WFDC5: variants seen among roughly 807,000 people sequenced by gnomAD.
WFDC5 encodes WAP four-disulfide core domain 5, also known as WAP four-disulfide core domain protein 5.
Under a neutral mutation model 15.7 loss-of-function variants are expected in WFDC5, and 15 were observed. That is an observed-to-expected ratio of 0.96 (90% confidence interval 0.64 to 1.47). The LOEUF (loss-of-function observed/expected upper bound fraction) is 1.47, where lower values mean the gene tolerates loss of function less well. Among genes scored for constraint, WFDC5 ranks in the 40% most tolerant of loss-of-function variants. The pLI is 0.00. For synonymous variants in WFDC5, 109 were observed against 107.7 expected, an observed-to-expected ratio of 1.01 and a Z score of -0.07; for missense variants, 280 against 258.0, an observed-to-expected ratio of 1.09 and a Z score of -0.59.
intron 3 of WFDC5, 42 bp from the exon 4 acceptor site, chr20:45,110,055 G>A: frequency 1.3e-6 from 2 of 1,597,084 alleles, no homozygotes; most frequent in Middle Eastern, 1.8e-4. Context: ...TCCCATAATA[G>A]GGCTCTGGTT....
upstream of WFDC5, chr20:45,115,319 C>T (rs1203201785): frequency 1.9e-6 from 1 of 524,682 alleles, no homozygotes; most frequent in Non-Finnish European, 3.4e-6. Context: ...TCCAGTCTTG[C>T]CTGTATCGGT....
chr20:45,111,722 C>A (rs1290591871), intron 1 of WFDC5, among the ~76,000 whole-genome samples: 1 of 152,158 alleles, frequency 6.6e-6, no homozygotes, highest in African/African-American at 2.4e-5. Context: ...ATGCACAAAG[C>A]TGGAAATCAG....
chr20:45,110,499 T>C, exon 3 of WFDC5: 1 of 1,614,208 alleles, frequency 6.2e-7, no homozygotes, highest in South Asian at 1.1e-5. Flanking sequence ...TTCATGGGGC[T>C]GAGGCAGCGC....
At chr20:45,110,894 A>G in intron 1 of WFDC5, 119 bp from the exon 2 acceptor site, 9 of 1,380,608 alleles carry the variant, frequency 6.5e-6, no homozygotes, top group Non-Finnish European at 8.8e-6. Context: ...TCTTTTGGCT[A>G]GTTGTTATTT....
chr20:45,112,446 G>T (rs766158283), intron 1 of WFDC5, among the ~76,000 whole-genome samples: 2 of 152,192 alleles, frequency 1.3e-5, no homozygotes, highest in Non-Finnish European at 2.9e-5. Context: ...GGGGATAAAA[G>T]CCTGGCGTGT....
exon 3 of WFDC5, chr20:45,110,432 G>A: frequency 1.2e-6 from 2 of 1,611,728 alleles, no homozygotes; most frequent in Non-Finnish European, 1.7e-6. Flanking sequence ...CCGCCCGCAG[G>A]CGCTGTGGCA....
At chr20:45,115,506 G>T (rs543330144), upstream of WFDC5, among the ~76,000 whole-genome samples, 3 of 152,180 alleles carry the variant, frequency 2.0e-5, no homozygotes, top group African/African-American at 7.2e-5. Flanking sequence ...AGGAGTGGGG[G>T]TTTGCAGAGT....
intron 1 of WFDC5, 54 bp from the exon 2 acceptor site, chr20:45,110,829 A>T: frequency 6.2e-7 from 1 of 1,606,576 alleles, no homozygotes; most frequent in Non-Finnish European, 8.5e-7. Flanking sequence ...GTTATGTAAT[A>T]AGCGCTGACC....
intron 1 of WFDC5, among the ~76,000 whole-genome samples, chr20:45,112,488 ACACT>A (rs1406302686): frequency 6.6e-6 from 1 of 152,212 alleles, no homozygotes; most frequent in Non-Finnish European, 1.5e-5. Context: ...CTGGGTGGTC[ACACT>A]CACTCTGTTT....
chr20:45,114,403 G>C (rs1044038097), intron 1 of WFDC5, among the ~76,000 whole-genome samples: 3 of 152,112 alleles, frequency 2.0e-5, no homozygotes, highest in African/African-American at 7.2e-5. Flanking sequence ...GGGGCGATGA[G>C]AGTTAGAGAC....
chr20:45,116,128 T>C (rs1331646560), upstream of WFDC5, among the ~76,000 whole-genome samples: 1 of 152,212 alleles, frequency 6.6e-6, no homozygotes, highest in Non-Finnish European at 1.5e-5. Context: ...ATACCTCATC[T>C]GATCCTGAGA....
upstream of WFDC5, among the ~76,000 whole-genome samples, chr20:45,116,022 C>T (rs1330653547): frequency 3.9e-5 from 6 of 152,164 alleles, no homozygotes; most frequent in Non-Finnish European, 8.8e-5. Flanking sequence ...AGGGGACTGG[C>T]CCAAGGACAC....
chr20:45,112,112 T>C (rs1453685886), intron 1 of WFDC5, among the ~76,000 whole-genome samples: 1 of 151,670 alleles, frequency 6.6e-6, no homozygotes, highest in East Asian at 1.9e-4. Context: ...TGCTGCCCCC[T>C]GCTGGAGAAA....
intron 1 of WFDC5, 23 bp downstream of exon 1, chr20:45,114,976 G>A (rs1981720191): frequency 3.1e-6 from 5 of 1,611,400 alleles, no homozygotes; most frequent in African/African-American, 2.7e-5. Flanking sequence ...GGTCCCCCCA[G>A]CAGAGGGATT....
chr20:45,110,700 T>A (rs1258578753), exon 2 of WFDC5: 1 of 1,614,204 alleles, frequency 6.2e-7, no homozygotes, highest in Admixed American at 1.7e-5. Flanking sequence ...CAAGGGACAC[T>A]GGCTGTCTTC....
chr20:45,112,419 A>G (rs1981646083), intron 1 of WFDC5, among the ~76,000 whole-genome samples: 1 of 152,178 alleles, frequency 6.6e-6, no homozygotes, highest in Non-Finnish European at 1.5e-5. Flanking sequence ...GAACTGCGAT[A>G]GCTGCAATGT....
chr20:45,112,383 C>T (rs1448509318), intron 1 of WFDC5, among the ~76,000 whole-genome samples: 1 of 152,128 alleles, frequency 6.6e-6, no homozygotes, highest in East Asian at 1.9e-4. Context: ...AGGGATGGGG[C>T]ATGACAGCTG....
At chr20:45,114,863 A>ACACACACGCACGCACG (rs1473030659) in intron 1 of WFDC5, 136 bp downstream of exon 1, 12 of 840,408 alleles carry the variant, frequency 1.4e-5, no homozygotes, top group Non-Finnish European at 1.8e-5. Context: ...ATCCACACAT[A>ACACACACGCACGCACG]CACACACGCA....
chr20:45,109,929 G>T lies in WFDC5; in HGVS notation c.478C>A (p.Pro160Thr), dbSNP rs199710758. Residue 160 changes from proline to threonine, a missense_variant, in exon 4 of 4, where the codon CCC becomes ACC. Pro to Thr is a conservative substitution (Grantham distance 38). Transcript: ENST00000307971. ...TGGTAGAGATAGTGCTGTCCAGCGG[G>T]CAGGGCCCCAGGCCTCCCATCGTGA... 1.6e-3 allele frequency: 2,495 copies of T among 1,593,356 alleles called. 7 individuals are homozygous for T. Among genetic ancestry groups the T allele is most frequent in the Non-Finnish European group, 1.8e-3 (2,077 of 1,161,088 alleles).
Sources: allele counts gnomAD v4.1 joint callset (sites outside exome capture counted in the v4.1 genomes callset), GRCh38; gene constraint gnomAD v4.1.1; transcripts MANE v1.5; gene names NCBI Gene and HGNC (gene_info 2026-07-23, HGNC 2026-07-21).